The following AGO3 variants were observed in gnomAD, a reference collection of about 807,000 sequenced individuals.
The protein encoded by AGO3 is protein argonaute-3.
AGO3 carries 16 observed loss-of-function variants against 105.5 expected under a neutral mutation model. The ratio of observed to expected loss-of-function variants is 0.15; its 90% CI spans 0.10 to 0.23. AGO3 has a LOEUF of 0.23. Ranked by LOEUF, AGO3 falls within the 10% of genes least tolerant of loss-of-function variation. AGO3 has a pLI of 1.00. For synonymous variants in AGO3, 340 were observed against 367.3 expected (o/e 0.93, Z 0.85); for missense variants, 534 against 1,088.0 (o/e 0.49, Z 7.16).
At position 36,027,979 on chromosome 1, in the gene AGO3, A is replaced by G. The variant is rs1304474597; in HGVS notation, c.1591+681A>G. ...TCTACTACCTGTGTGATTTGGCTGA[A>G]TTACTTAATCACACTAGCCCTTAGT... On this transcript the variant is annotated intron_variant, in intron 12 of 18. Coordinates refer to ENST00000373191, the MANE Select transcript of AGO3 (RefSeq NM_024852.4). The surrounding 1 kb of genome is among the most constrained non-coding windows in gnomAD (Gnocchi z 4.0). Among the ~76,000 whole-genome samples the G allele has an allele frequency of 2.6e-5, 4 of 152,128 alleles. No individual in the cohort carries two copies. Among genetic ancestry groups the G allele is most frequent in the Non-Finnish European group, 4.4e-5 (3 of 68,014 alleles).
chr1:35,995,209 A>AATATATATATATATAT (rs748081363), intron 5 of AGO3, among the ~76,000 whole-genome samples: 1 of 114,790 alleles, frequency 8.7e-6, no homozygotes, highest in African/African-American at 3.8e-5. Flanking sequence ...TAAAAAAAAA[A>AATATATATATATATAT]ATATATATAT....
intron 17 of AGO3, among the ~76,000 whole-genome samples, chr1:36,050,952 G>A (rs1367668460): frequency 2.0e-5 from 3 of 151,828 alleles, no homozygotes; most frequent in African/African-American, 4.8e-5. Context: ...TCAGCCTCCC[G>A]AGTAGCTAGG....
chr1:35,937,825 GA>G (rs760150705), intron 1 of AGO3, among the ~76,000 whole-genome samples: 1 of 152,138 alleles, frequency 6.6e-6, no homozygotes, highest in Non-Finnish European at 1.5e-5. Flanking sequence ...TTCATTGAAT[GA>G]AAAAGTGGAA....
chr1:36,017,138 C>T (rs896914069), intron 11 of AGO3, among the ~76,000 whole-genome samples: 1 of 152,194 alleles, frequency 6.6e-6, no homozygotes, highest in Non-Finnish European at 1.5e-5. Context: ...TGACATCCTA[C>T]AGATGGCCAT....
chr1:36,019,489 A>G (rs1459590389), intron 11 of AGO3, among the ~76,000 whole-genome samples: 2 of 152,186 alleles, frequency 1.3e-5, no homozygotes, highest in Non-Finnish European at 2.9e-5. Flanking sequence ...AGATTTCTTC[A>G]GCAATGTTCT....
intron 1 of AGO3, among the ~76,000 whole-genome samples, chr1:35,937,916 A>G (rs554986521): frequency 7.0e-6 from 1 of 142,618 alleles, no homozygotes; most frequent in South Asian, 2.2e-4. Flanking sequence ...AATCAGAGAC[A>G]TTTCATTAAG....
At chr1:36,040,274 C>G in intron 15 of AGO3, 33 bp from the exon 16 acceptor site, 1 of 1,596,828 alleles carries the variant, frequency 6.3e-7, no homozygotes, top group Non-Finnish European at 8.6e-7. Flanking sequence ...AAATAGCTGA[C>G]TATATTGAAT....
intron 11 of AGO3, among the ~76,000 whole-genome samples, chr1:36,017,933 AAACT>A (rs1413470026): frequency 6.6e-5 from 10 of 151,958 alleles, no homozygotes; most frequent in Non-Finnish European, 1.0e-4. Flanking sequence ...ATAGAAAAAT[AAACT>A]AACAAATAAT....
intron 2 of AGO3, among the ~76,000 whole-genome samples, chr1:35,966,467 A>G (rs1173443913): frequency 6.6e-6 from 1 of 152,178 alleles, no homozygotes; most frequent in Non-Finnish European, 1.5e-5. Context: ...TAGGTACTGT[A>G]AGGATGGGAG....
rs559361747 is a variant in AGO3, at chr1:35,965,024, G to A, written c.192-1931G>A. ...AAAGCAGGATATTTTTTATTCCTAA[G>A]ATGTTTTGGCCCTGGTATTTCAGTC... On this transcript the variant is annotated intron_variant, in intron 2 of 18. Coordinates refer to ENST00000373191, the MANE Select transcript of AGO3 (RefSeq NM_024852.4). Among the ~76,000 whole-genome samples the A allele has an allele frequency of 2.5e-4, 38 of 151,460 alleles. 1 individual carries two copies. The highest frequency in any genetic ancestry group is 8.7e-4 in the African/African-American group (36 of 41,246).
chr1:36,030,184 T>C (rs75386419), intron 12 of AGO3, among the ~76,000 whole-genome samples: 13,067 of 152,080 alleles, frequency 0.086, 1,954 homozygotes, highest in East Asian at 0.66. Flanking sequence ...AAATATATGA[T>C]AAGTTTGTTT....
chr1:36,033,531 G>A (rs1641875735), intron 12 of AGO3, among the ~76,000 whole-genome samples: 1 of 151,306 alleles, frequency 6.6e-6, no homozygotes, highest in South Asian at 2.1e-4. Flanking sequence ...TGTAGTTCCA[G>A]CCACTTGGGA....
chr1:35,982,830 G>A (rs1246953864), intron 5 of AGO3: 3 of 497,156 alleles, frequency 6.0e-6, no homozygotes, highest in Admixed American at 3.7e-5. Flanking sequence ...ACATGGAACG[G>A]ATTGGAAAAA....
chr1:35,974,693 C>G (rs541272204), intron 5 of AGO3, among the ~76,000 whole-genome samples: 6 of 152,124 alleles, frequency 3.9e-5, no homozygotes, highest in Non-Finnish European at 8.8e-5. Context: ...TGCTAATGTT[C>G]TGTTCACTGA....
Position 35,967,046 on chromosome 1 carries a change from G to C in AGO3, c.283G>C (p.Ala95Pro), listed in dbSNP as rs868117174. Residue 95 changes from alanine to proline, a missense_variant, in exon 3 of 19, where the codon GCC becomes CCC. Transcript: ENST00000373191. ...TGATGGAAAAAGAAGTCTTTACACC[G>C]CCAATCCACTTCCTGTGGCAACTAC... ...VYDGKRSLYTANPLPVATTGV... is the reference protein window; with the variant it reads ...VYDGKRSLYTPNPLPVATTGV... The C allele has an allele frequency of 6.2e-7, 1 of 1,613,204 alleles. No homozygotes were observed. Among genetic ancestry groups the C allele is most frequent in the Non-Finnish European group, 8.5e-7 (1 of 1,179,712 alleles).
chr1:35,986,995 C>CA (rs56230663), intron 5 of AGO3, among the ~76,000 whole-genome samples: 9,403 of 114,824 alleles, frequency 0.082, 428 homozygotes, highest in Middle Eastern at 0.27. Flanking sequence ...GACTCCGTCT[C>CA]AAAAAAAAAA....
At chr1:36,041,532 C>G (rs369657010) in intron 16 of AGO3, among the ~76,000 whole-genome samples, 87 of 152,212 alleles carry the variant, frequency 5.7e-4, no homozygotes, top group East Asian at 3.9e-3. Context: ...TGAGCCACTG[C>G]GCCCGGCCAG....
intron 1 of AGO3, among the ~76,000 whole-genome samples, chr1:35,940,998 G>T (rs1646243276): frequency 6.6e-6 from 1 of 152,040 alleles, no homozygotes. Flanking sequence ...TACACCTCCA[G>T]CCTGGACCTC....
intron 1 of AGO3, among the ~76,000 whole-genome samples, chr1:35,936,419 T>G (rs1646147169): frequency 6.6e-6 from 1 of 152,116 alleles, no homozygotes; most frequent in South Asian, 2.1e-4. Flanking sequence ...CCTTGTTTTT[T>G]GTTTGTTTGT....
Sources: allele counts gnomAD v4.1 joint callset (sites outside exome capture counted in the v4.1 genomes callset), GRCh38; gene constraint gnomAD v4.1.1; non-coding constraint Gnocchi (gnomAD v3.1); transcripts MANE v1.5; gene names NCBI Gene and HGNC (gene_info 2026-07-23, HGNC 2026-07-21).